DSCAM: variants seen among roughly 807,000 people sequenced by gnomAD.
The protein encoded by DSCAM is cell adhesion molecule DSCAM.
Under a neutral mutation model 217.7 loss-of-function variants are expected in DSCAM, and 47 were observed. The ratio of observed to expected loss-of-function variants is 0.22; its 90% CI spans 0.17 to 0.28. The LOEUF (loss-of-function observed/expected upper bound fraction) is 0.28. Ranked by LOEUF, DSCAM falls within the 10% of genes least tolerant of loss-of-function variation. DSCAM has a pLI of 1.00. For synonymous variants in DSCAM, 1,056 were observed against 1,015.3 expected (o/e 1.04, Z -0.76); for missense variants, 2,080 against 2,618.3 (o/e 0.79, Z 4.49).
intron 3 of DSCAM, among the ~76,000 whole-genome samples, chr21:40,454,826 C>G (rs146873983): frequency 2.2e-4 from 34 of 152,148 alleles, no homozygotes; most frequent in African/African-American, 8.2e-4. Flanking sequence ...CCTCTCCTTT[C>G]GAGTGTGTGG....
intron 27 of DSCAM, among the ~76,000 whole-genome samples, chr21:40,074,790 C>T (rs986464054): frequency 2.0e-5 from 3 of 152,186 alleles, no homozygotes; most frequent in African/African-American, 7.2e-5. Flanking sequence ...TGCATACCAA[C>T]AGCTAGGATT....
chr21:40,081,800 CT>C (rs1568931034), intron 24 of DSCAM, among the ~76,000 whole-genome samples: 1 of 152,178 alleles, frequency 6.6e-6, no homozygotes, highest in African/African-American at 2.4e-5. Context: ...ATGGCAATGG[CT>C]TTGGCCACTA....
At chr21:40,139,663 C>A (rs1273952824) in intron 18 of DSCAM, among the ~76,000 whole-genome samples, 1 of 150,540 alleles carries the variant, frequency 6.6e-6, no homozygotes, top group African/African-American at 2.4e-5. Context: ...TGTTTGTGTA[C>A]GTGTGGTGTG....
intron 10 of DSCAM, among the ~76,000 whole-genome samples, chr21:40,295,104 A>G (rs2073939477): frequency 6.6e-6 from 1 of 152,176 alleles, no homozygotes; most frequent in Admixed American, 6.5e-5. Context: ...AAAGATCTAG[A>G]GTATAAATGA....
chr21:40,402,844 A>G (rs866083993), intron 3 of DSCAM, among the ~76,000 whole-genome samples: 1 of 152,192 alleles, frequency 6.6e-6, no homozygotes, highest in Non-Finnish European at 1.5e-5. Flanking sequence ...CTTAATTTTA[A>G]TGACATATCA....
At chr21:40,160,206 C>T (rs77066325) in intron 16 of DSCAM, among the ~76,000 whole-genome samples, 2,751 of 152,286 alleles carry the variant, frequency 0.018, 75 homozygotes, top group African/African-American at 0.063. Context: ...GAATAAAACA[C>T]ACAACTCAGA....
intron 3 of DSCAM, among the ~76,000 whole-genome samples, chr21:40,684,981 A>C (rs1003954833): frequency 6.6e-6 from 1 of 152,230 alleles, no homozygotes; most frequent in Non-Finnish European, 1.5e-5. Flanking sequence ...AGAATATAAA[A>C]TGAACTCCAT....
At chr21:40,200,747 C>T (rs996445861) in intron 11 of DSCAM, among the ~76,000 whole-genome samples, 3 of 152,158 alleles carry the variant, frequency 2.0e-5, no homozygotes, top group Non-Finnish European at 4.4e-5. Context: ...ATCTCCGTTT[C>T]CTCATCTGTA....
At chr21:40,434,684 T>C (rs761039654) in intron 3 of DSCAM, among the ~76,000 whole-genome samples, 2 of 152,214 alleles carry the variant, frequency 1.3e-5, no homozygotes, top group Non-Finnish European at 2.9e-5. Context: ...GCAGTCCTGA[T>C]ATGCCCTGTG....
intron 16 of DSCAM, among the ~76,000 whole-genome samples, chr21:40,158,268 T>C (rs950015164): frequency 3.3e-5 from 5 of 152,002 alleles, no homozygotes; most frequent in African/African-American, 4.8e-5. Flanking sequence ...TATGCACTTG[T>C]AGTCCCAGCT....
intron 20 of DSCAM, 50 bp downstream of exon 20, chr21:40,124,145 G>C (rs781730228): frequency 6.2e-7 from 1 of 1,611,136 alleles, no homozygotes; most frequent in Non-Finnish European, 8.5e-7. Flanking sequence ...AGCACCTGCA[G>C]CTCGTCCCTG....
rs151038505 is a variant in DSCAM, at chr21:40,216,188, C to T, written c.2357-26950G>A. Among the ~76,000 whole-genome samples, 794 of 152,234 alleles carry T rather than the reference C, an allele frequency of 5.2e-3. 11 individuals are homozygous for T. The highest frequency in any genetic ancestry group is 0.018 in the African/African-American group (747 of 41,538). On this transcript the variant is annotated intron_variant, in intron 11 of 32. Coordinates refer to ENST00000400454, the MANE Select transcript of DSCAM (RefSeq NM_001389.5). ...GATCATAGCTCACTGCAACCTCAAA[C>T]TCCTGGGCTCAAGTGATCCTCCCAC...
chr21:40,514,775 C>T (rs1468769426), intron 3 of DSCAM, among the ~76,000 whole-genome samples: 6 of 152,134 alleles, frequency 3.9e-5, no homozygotes, highest in Non-Finnish European at 8.8e-5. Context: ...GTTAAACATT[C>T]ATAATTATTA....
At chr21:40,249,125 T>C (rs1446165844) in intron 11 of DSCAM, among the ~76,000 whole-genome samples, 1 of 152,200 alleles carries the variant, frequency 6.6e-6, no homozygotes, top group Non-Finnish European at 1.5e-5. Context: ...AGCCAAATCA[T>C]ACCAATGAAC....
rs1353308536 is a variant in DSCAM, at chr21:40,221,361, GTAT to G, written c.2357-32126_2357-32124del. On this transcript the variant is annotated intron_variant, in intron 11 of 32. Transcript: ENST00000400454. ...AATTATTTCATATGTATATTTATAT[GTAT>G]AATAATGTGTACGTGTATAATACAT... Among the ~76,000 whole-genome samples the G allele has an allele frequency of 2.0e-5, 3 of 150,376 alleles. No homozygotes were observed. In the Admixed American group the frequency reaches 2.0e-4, roughly 10 times the overall value.
chr21:40,624,000 C>T (rs2089563167), intron 3 of DSCAM, among the ~76,000 whole-genome samples: 1 of 152,150 alleles, frequency 6.6e-6, no homozygotes, highest in Non-Finnish European at 1.5e-5. Flanking sequence ...GTTGGTTTGT[C>T]TTTCAGTCTT....
chr21:40,649,148 C>T lies in DSCAM; in HGVS notation c.508+43662G>A, dbSNP rs372608548. Among the ~76,000 whole-genome samples, 38 of 152,294 alleles carry T rather than the reference C, an allele frequency of 2.5e-4. No homozygotes were observed. In the East Asian group the frequency reaches 5.8e-3, roughly 23 times the overall value. ...CAGGCCAGTGCACTACATCTGGTTA[C>T]AAAAGAAGGTGTCTGGGCTGGGCAT... is the stretch of plus-strand genomic sequence containing the variant. On this transcript the variant is annotated intron_variant, in intron 3 of 32. Transcript: ENST00000400454.
chr21:40,476,597 T>C (rs889633135), intron 3 of DSCAM, among the ~76,000 whole-genome samples: 1 of 152,216 alleles, frequency 6.6e-6, no homozygotes, highest in African/African-American at 2.4e-5. Flanking sequence ...CTTTCGAATG[T>C]GCTTAAGGTG....
rs2146409818 is a variant in DSCAM at position 40,016,260 on chromosome 21, A to G, written c.5687-2874T>C. Among the ~76,000 whole-genome samples the G allele has an allele frequency of 6.6e-6, 1 of 152,280 alleles. No homozygotes were observed. The highest frequency in any genetic ancestry group is 1.5e-5 in the Non-Finnish European group (1 of 68,020). ...GAAGGTGGCTTCAGAGTCAATGACA[A>G]GTGGGAGTGGTGACAGAGGAGAAGG... On this transcript the variant is annotated intron_variant, in intron 32 of 32. Coordinates refer to ENST00000400454, the MANE Select transcript of DSCAM (RefSeq NM_001389.5). This position sits in a 1 kb window ranked among gnomAD's most constrained non-coding sequence, Gnocchi z 4.3.
Sources: allele counts gnomAD v4.1 joint callset (sites outside exome capture counted in the v4.1 genomes callset), GRCh38; gene constraint gnomAD v4.1.1; non-coding constraint Gnocchi (gnomAD v3.1); transcripts MANE v1.5; gene names NCBI Gene and HGNC (gene_info 2026-07-23, HGNC 2026-07-21).